The following SRGAP1 variants were observed in gnomAD, a reference collection of about 807,000 sequenced individuals.
The protein encoded by SRGAP1 is SLIT-ROBO Rho GTPase-activating protein 1.
In SRGAP1, 43 loss-of-function variants were observed where a neutral mutation model predicts 121.9. The observed-to-expected ratio is 0.35, with a 90% CI of 0.28 to 0.46. The LOEUF (loss-of-function observed/expected upper bound fraction) is 0.46, where lower values mean the gene tolerates loss of function less well. Among genes scored for constraint, SRGAP1 ranks in the 20% least tolerant of loss-of-function variants. The pLI, the probability that SRGAP1 is intolerant of heterozygous loss-of-function variation, is 1.00. For missense variants in SRGAP1, 1,102 were observed against 1,350.9 expected, an observed-to-expected ratio of 0.82 and a Z score of 2.89; for synonymous variants, 447 against 485.4, an observed-to-expected ratio of 0.92 and a Z score of 1.04.
Position 64,126,165 on chromosome 12 carries a change from G to T in SRGAP1, c.2405+8G>T, listed in dbSNP as rs369865271. ...TATAGTGGTGCAGGATATGTGAGTA[G>T]TCTCAACTTTGATTGCCTGAGTGCT... On this transcript the variant is annotated splice_region_variant and intron_variant, in intron 19 of 21. Transcript: ENST00000355086. 6.2e-7 allele frequency: 1 copy of T among 1,606,812 alleles called. No homozygotes were observed. Among genetic ancestry groups the T allele is most frequent in the African/African-American group, 1.3e-5 (1 of 74,818 alleles).
chr12:63,846,551 G>A (rs1410061659), intron 1 of SRGAP1, among the ~76,000 whole-genome samples: 2 of 152,208 alleles, frequency 1.3e-5, no homozygotes, highest in East Asian at 1.9e-4. Context: ...GGGATGTGTT[G>A]CAATGTGTCT....
At chr12:64,117,503 T>C (rs888412470) in intron 18 of SRGAP1, among the ~76,000 whole-genome samples, 3 of 152,238 alleles carry the variant, frequency 2.0e-5, no homozygotes, top group African/African-American at 7.2e-5. Flanking sequence ...AACATCTTAA[T>C]TTTAAAGTAG....
At chr12:64,081,528 C>A (rs983160177) in intron 10 of SRGAP1, 1 of 149,204 alleles carries the variant, frequency 6.7e-6, no homozygotes, top group African/African-American at 2.5e-5. Flanking sequence ...ATAAAATAAC[C>A]AAATACAATG....
At chr12:64,046,977 G>A (rs1028011210) in intron 6 of SRGAP1, among the ~76,000 whole-genome samples, 7 of 151,786 alleles carry the variant, frequency 4.6e-5, no homozygotes, top group African/African-American at 1.7e-4. Flanking sequence ...CTAAGGTTAT[G>A]CAGCCAATCA....
At chr12:63,929,898 C>T (rs1293285683) in intron 1 of SRGAP1, among the ~76,000 whole-genome samples, 1 of 152,026 alleles carries the variant, frequency 6.6e-6, no homozygotes, top group Non-Finnish European at 1.5e-5. Context: ...TGAACAGACA[C>T]TTCTCAAAAG....
Position 64,007,155 on chromosome 12 carries a change from TAATG to T in SRGAP1, c.427-9792_427-9789del, listed in dbSNP as rs984462002. ...GTACTTAATATCACTAGCTGGAAAA[TAATG>T]AACCGTTATCTGTGAGGCAAGGAGA... On this transcript the variant is annotated intron_variant, in intron 3 of 21. Coordinates refer to ENST00000355086, the MANE Select transcript of SRGAP1 (RefSeq NM_020762.4). Among the ~76,000 whole-genome samples the T allele has an allele frequency of 7.4e-4, 113 of 152,084 alleles. 1 individual carries two copies. Among genetic ancestry groups the T allele is most frequent in the African/African-American group, 2.6e-3 (107 of 41,390 alleles).
intron 1 of SRGAP1, among the ~76,000 whole-genome samples, chr12:63,868,056 ATTTTT>A (rs1219689164): frequency 2.1e-4 from 12 of 57,840 alleles, no homozygotes; most frequent in African/African-American, 5.3e-4. Flanking sequence ...ATATATATAT[ATTTTT>A]TTTTTTTTTT....
chr12:63,938,625 G>C (rs2031752126), intron 1 of SRGAP1, among the ~76,000 whole-genome samples: 1 of 152,114 alleles, frequency 6.6e-6, no homozygotes, highest in Admixed American at 6.6e-5. Flanking sequence ...ACAGCTGGAA[G>C]GTGGTATAGA....
At chr12:63,910,486 C>T (rs1458414971) in intron 1 of SRGAP1, among the ~76,000 whole-genome samples, 1 of 152,164 alleles carries the variant, frequency 6.6e-6, no homozygotes, top group African/African-American at 2.4e-5. Flanking sequence ...TCAAGAGTAA[C>T]ACAATGTAGT....
intron 2 of SRGAP1, among the ~76,000 whole-genome samples, chr12:63,988,479 G>C (rs970425993): frequency 6.6e-6 from 1 of 152,142 alleles, no homozygotes; most frequent in Non-Finnish European, 1.5e-5. Flanking sequence ...AAGAATGGGA[G>C]GCTGCCCTCA....
At chr12:64,041,875 ATATTATTATTATTAT>A (rs10689107) in intron 4 of SRGAP1, among the ~76,000 whole-genome samples, 71 of 138,614 alleles carry the variant, frequency 5.1e-4, no homozygotes, top group African/African-American at 1.6e-3. Flanking sequence ...ATTTTCTTTT[ATATTATTATTATTAT>A]TATTATTATT....
intron 1 of SRGAP1, among the ~76,000 whole-genome samples, chr12:63,937,875 C>G (rs1399081238): frequency 6.6e-6 from 1 of 152,196 alleles, no homozygotes. Context: ...TATTGCGTGC[C>G]CCTTCACAGC....
In SRGAP1 at chr12:64,154,322, T is replaced by C. The variant is rs757410223; in HGVS notation, c.*11650T>C. 1.3e-5 allele frequency: 2 copies of C among 152,128 alleles called. No homozygotes were observed. The highest frequency in any genetic ancestry group is 6.5e-5 in the Admixed American group (1 of 15,272). 9.4% of individuals were successfully genotyped at this position (152,128 alleles called of 1,614,324 possible). On this transcript the variant is annotated 3_prime_UTR_variant, in exon 22 of 22. Transcript: ENST00000355086. ...ACAATTTTAAACATCACTGTAGATG[T>C]TGTAGTTGTGTTTGGGGTCCACGGG... is the stretch of plus-strand genomic sequence containing the variant.
intron 1 of SRGAP1, among the ~76,000 whole-genome samples, chr12:63,960,877 C>G (rs573397718): frequency 5.5e-4 from 84 of 152,284 alleles, no homozygotes; most frequent in African/African-American, 1.9e-3. Flanking sequence ...GGAATGGATT[C>G]TCCCCAACAG....
chr12:64,050,550 C>G (rs1175532746), intron 6 of SRGAP1, among the ~76,000 whole-genome samples: 1 of 152,110 alleles, frequency 6.6e-6, no homozygotes, highest in African/African-American at 2.4e-5. Context: ...AATCTTTATC[C>G]TTCCATCTCA....
chr12:64,074,055 G>A (rs1593102231), intron 8 of SRGAP1, among the ~76,000 whole-genome samples: 1 of 152,146 alleles, frequency 6.6e-6, no homozygotes, highest in East Asian at 1.9e-4. Flanking sequence ...TGGAAGTTCT[G>A]CTCTGCCCTC....
rs1218061521 is a variant in SRGAP1, at chr12:63,945,956, TCTGGTTCACCCACACATACCTTCCTAC to T, written c.68-37941_68-37915del. Among the ~76,000 whole-genome samples the T allele has an allele frequency of 6.1e-3, 914 of 150,392 alleles. 15 individuals are homozygous for T. The East Asian group carries it at 0.063, about 10-fold the overall frequency. ...TAGTTCACCCACACATACCTTCCTA[TCTGGTTCACCCACACATACCTTCCTAC>T]CTGGTTCACCCACACATACCTTCCT... On this transcript the variant is annotated intron_variant, in intron 1 of 21. Transcript: ENST00000355086.
intron 3 of SRGAP1, among the ~76,000 whole-genome samples, chr12:63,997,688 G>T (rs1050073947): frequency 6.6e-6 from 1 of 152,110 alleles, no homozygotes; most frequent in Non-Finnish European, 1.5e-5. Context: ...AGGTATACCA[G>T]TGTTTGTTTG....
intron 6 of SRGAP1, among the ~76,000 whole-genome samples, chr12:64,057,246 AAAC>A (rs960639031): frequency 6.6e-6 from 1 of 152,212 alleles, no homozygotes; most frequent in African/African-American, 2.4e-5. Context: ...AGAAAACTCA[AAAC>A]AACTTTTTCT....
Sources: gnomAD v4.1 joint callset for allele counts (sites outside exome capture counted in the v4.1 genomes callset) on GRCh38, gnomAD v4.1.1 for gene constraint, MANE v1.5 for transcripts, NCBI Gene and HGNC (gene_info 2026-07-23, HGNC 2026-07-21) for gene names.